The following SPATA31F1 variants were observed in gnomAD, a reference collection of about 807,000 sequenced individuals.
SPATA31F1 encodes protein SPATA31F1.
At chr9:34,724,835 G>A in the SPATA31F1 span, 6,952 of 1,544,432 alleles carry the variant, frequency 4.5e-3, 354 homozygotes, top group East Asian at 0.13. Flanking sequence ...AGTGACTGCC[G>A]GGGCCAGGGC....
the SPATA31F1 span, chr9:34,726,954 G>A: frequency 1.8e-5 from 28 of 1,551,040 alleles, no homozygotes; most frequent in East Asian, 9.8e-5. Context: ...CACAGGATTC[G>A]CCGCACACTT....
the SPATA31F1 span, chr9:34,724,697 C>T: frequency 6.5e-7 from 1 of 1,548,978 alleles, no homozygotes; most frequent in Non-Finnish European, 8.7e-7. Flanking sequence ...GTCTGTACAA[C>T]TCTCATTGTT....
the SPATA31F1 span, chr9:34,724,474 C>T: frequency 1.6e-4 from 253 of 1,551,752 alleles, 1 homozygote; most frequent in African/African-American, 3.3e-3. Flanking sequence ...TGGATATGTT[C>T]TCTGGTGCTG....
the SPATA31F1 span, among the ~76,000 whole-genome samples, chr9:34,727,322 A>G: frequency 6.6e-6 from 1 of 152,262 alleles, no homozygotes; most frequent in Non-Finnish European, 1.5e-5. Flanking sequence ...CTGATGGGGC[A>G]TCACCAGGAA....
At chr9:34,724,458 T>G in the SPATA31F1 span, 5 of 1,551,582 alleles carry the variant, frequency 3.2e-6, no homozygotes, top group Non-Finnish European at 4.4e-6. Flanking sequence ...TCAAGAGACT[T>G]CTGTGTGGAT....
At chr9:34,727,865 C>T in the SPATA31F1 span, among the ~76,000 whole-genome samples, 1 of 152,220 alleles carries the variant, frequency 6.6e-6, no homozygotes, top group African/African-American at 2.4e-5. Context: ...GTGAACCCCA[C>T]TCTTCCCTGG....
At chr9:34,727,893 G>T in the SPATA31F1 span, 1 of 815,760 alleles carries the variant, frequency 1.2e-6, no homozygotes, top group Non-Finnish European at 1.9e-6. Context: ...CTCACCCAGT[G>T]TCCCTGCTTC....
the SPATA31F1 span, among the ~76,000 whole-genome samples, chr9:34,727,341 G>A: frequency 1.9e-3 from 293 of 152,342 alleles, 11 homozygotes; most frequent in East Asian, 0.047. Flanking sequence ...AACATCACCA[G>A]TTAGAACCCA....
the SPATA31F1 span, chr9:34,724,450 A>G: frequency 3.9e-6 from 6 of 1,551,398 alleles, no homozygotes; most frequent in Middle Eastern, 1.7e-4. Context: ...TTAGACTTTC[A>G]AGAGACTTCT....
chr9:34,726,395 G>A, the SPATA31F1 span: 1 of 1,548,402 alleles, frequency 6.5e-7, no homozygotes, highest in Non-Finnish European at 8.7e-7. Context: ...TGGCAGGTGG[G>A]CAGGGAGGAC....
the SPATA31F1 span, chr9:34,728,582 G>C: frequency 6.5e-7 from 1 of 1,548,728 alleles, no homozygotes; most frequent in Non-Finnish European, 8.7e-7. Context: ...CAGTGGAAGG[G>C]AGTCAGAGGA....
At chr9:34,728,717 T>C in the SPATA31F1 span, 1 of 1,452,132 alleles carries the variant, frequency 6.9e-7, no homozygotes, top group Non-Finnish European at 9.5e-7. Flanking sequence ...ATGTCCAAAA[T>C]GAGACAAAAC....
At chr9:34,723,237 T>G in the SPATA31F1 span, 30 of 1,551,134 alleles carry the variant, frequency 1.9e-5, no homozygotes, top group South Asian at 1.8e-4. Context: ...AGGAGCTAGG[T>G]TGGGTGCCCT....
the SPATA31F1 span, chr9:34,724,035 G>A: frequency 9.1e-6 from 14 of 1,534,668 alleles, no homozygotes; most frequent in African/African-American, 1.4e-5. Flanking sequence ...GTTGAGGAGC[G>A]CCCAAACCCC....
the SPATA31F1 span, chr9:34,724,515 T>G: frequency 6.4e-7 from 1 of 1,551,442 alleles, no homozygotes; most frequent in East Asian, 2.4e-5. Flanking sequence ...TTCCTTGCCC[T>G]AATGGGAATT....
chr9:34,728,870 T>C, the SPATA31F1 span, among the ~76,000 whole-genome samples: 1 of 152,224 alleles, frequency 6.6e-6, no homozygotes, highest in Non-Finnish European at 1.5e-5. Context: ...CCAAATTCTA[T>C]ACCTCCCATC....
the SPATA31F1 span, chr9:34,728,771 T>TTA: frequency 2.2e-6 from 2 of 928,044 alleles, no homozygotes; most frequent in African/African-American, 3.3e-5. Context: ...TATCTGTATT[T>TTA]TATACACTCT....
the SPATA31F1 span, chr9:34,726,357 G>A: frequency 8.4e-6 from 13 of 1,547,154 alleles, no homozygotes; most frequent in Non-Finnish European, 1.1e-5. Context: ...TGTACCTCAA[G>A]AAGCCTCAGC....
At chr9:34,723,348 T>C in the SPATA31F1 span, 3 of 1,551,620 alleles carry the variant, frequency 1.9e-6, no homozygotes, top group Non-Finnish European at 2.6e-6. Flanking sequence ...AGCCGGAGCT[T>C]ATCGTCTAGG....
Sources: gnomAD v4.1 joint callset for allele counts (sites outside exome capture counted in the v4.1 genomes callset) on GRCh38, gnomAD v4.1.1 for gene constraint, MANE v1.5 for transcripts, NCBI Gene and HGNC (gene_info 2026-07-23, HGNC 2026-07-21) for gene names.